GALNT18: variants seen among roughly 807,000 people sequenced by gnomAD.
GALNT18 encodes the protein GalNAc-transferase 18.
In GALNT18, 44 loss-of-function variants were observed where a neutral mutation model predicts 69.5. That is an observed-to-expected ratio of 0.63 (90% confidence interval 0.50 to 0.81). The LOEUF is 0.81. Ranked by LOEUF, GALNT18 falls within the 40% of genes least tolerant of loss-of-function variation. The probability of loss-of-function intolerance (pLI) is 0.00; values close to 1 mark genes in which losing one functional copy is unlikely to be tolerated. For missense variants in GALNT18, 715 were observed against 810.0 expected, an observed-to-expected ratio of 0.88 and a Z score of 1.42; for synonymous variants, 364 against 318.2, an observed-to-expected ratio of 1.14 and a Z score of -1.53.
Position 11,555,473 on chromosome 11 carries a change from G to T in GALNT18, c.235+65886C>A, listed in dbSNP as rs530363786. On this transcript the variant is annotated intron_variant, in intron 1 of 10. Transcript: ENST00000227756. The surrounding 1 kb of genome is among the most constrained non-coding windows in gnomAD (Gnocchi z 4.7). ...GTGCAGCTTAAAACACAGGTCTGGC[G>T]TGAGTCTCCTGTGACAAAGCTCTCC... 6.6e-6 allele frequency among the ~76,000 whole-genome samples: 1 copy of T among 152,208 alleles called. No individual in the cohort carries two copies. The highest frequency in any genetic ancestry group is 1.5e-5 in the Non-Finnish European group (1 of 68,038).
chr11:11,519,051 C>G (rs937526242), intron 1 of GALNT18, among the ~76,000 whole-genome samples: 1 of 152,126 alleles, frequency 6.6e-6, no homozygotes. Context: ...GAAAGAGCAC[C>G]CAGTCCACCC....
chr11:11,327,031 C>T, intron 9 of GALNT18, 55 bp downstream of exon 9: 1 of 1,271,898 alleles, frequency 7.9e-7, no homozygotes. Context: ...TCTCCTTCCC[C>T]ATGCCAGGCA....
chr11:11,564,861 C>T lies in GALNT18; in HGVS notation c.235+56498G>A, dbSNP rs1045836720. 6.6e-6 allele frequency among the ~76,000 whole-genome samples: 1 copy of T among 152,164 alleles called. No individual in the cohort carries two copies. The highest frequency in any genetic ancestry group is 2.1e-4 in the South Asian group (1 of 4,824). ...CTACATTTCAAGTGTTCATAAGTGGCCTGTGTCTGCTCGATACCATAGTGA... is the reference window on the plus strand; with the variant it reads ...CTACATTTCAAGTGTTCATAAGTGGTCTGTGTCTGCTCGATACCATAGTGA... On this transcript the variant is annotated intron_variant, in intron 1 of 10. Transcript: ENST00000227756. This position sits in a 1 kb window ranked among gnomAD's most constrained non-coding sequence, Gnocchi z 4.3.
intron 1 of GALNT18, among the ~76,000 whole-genome samples, chr11:11,537,765 A>C (rs1857818546): frequency 6.6e-6 from 1 of 152,242 alleles, no homozygotes; most frequent in Admixed American, 6.5e-5. Flanking sequence ...GGAAGGAATA[A>C]AAGGGAGCAT....
At position 11,524,260 on chromosome 11, in the gene GALNT18, T is replaced by C. The variant is rs550856304; in HGVS notation, c.236-75324A>G. On this transcript the variant is annotated intron_variant, in intron 1 of 10. Coordinates refer to ENST00000227756, the MANE Select transcript of GALNT18 (RefSeq NM_198516.3). ...ACACATGTCTAACAAATGAGGAAAT[T>C]GGAGTTCTTCAAGATCCTTTTCAGC... Among the ~76,000 whole-genome samples the C allele has an allele frequency of 5.9e-5, 9 of 152,330 alleles. No homozygotes were observed. The South Asian group carries it at 1.9e-3, about 32-fold the overall frequency.
At chr11:11,450,099 G>A (rs1444062481) in intron 1 of GALNT18, among the ~76,000 whole-genome samples, 3 of 152,166 alleles carry the variant, frequency 2.0e-5, no homozygotes, top group Non-Finnish European at 4.4e-5. Context: ...CACTGGACAG[G>A]GTCGTCTATG....
At position 11,605,148 on chromosome 11, in the gene GALNT18, G is replaced by C. The variant is rs1859718236; in HGVS notation, c.235+16211C>G. 6.6e-6 allele frequency among the ~76,000 whole-genome samples: 1 copy of C among 152,168 alleles called. No homozygotes were observed. The highest frequency in any genetic ancestry group is 1.9e-4 in the East Asian group (1 of 5,192). ...GTCCCGACAGGCAGAGTCTGAGGAG[G>C]AACTTTTACTGTGTCCGTTTCCTGT... On this transcript the variant is annotated intron_variant, in intron 1 of 10. Coordinates refer to ENST00000227756, the MANE Select transcript of GALNT18 (RefSeq NM_198516.3). The surrounding 1 kb of genome is among the most constrained non-coding windows in gnomAD (Gnocchi z 4.7).
chr11:11,448,038 GGTGTTCAATGAAT>G (rs1855698658), intron 2 of GALNT18, among the ~76,000 whole-genome samples: 1 of 152,150 alleles, frequency 6.6e-6, no homozygotes, highest in African/African-American at 2.4e-5. Context: ...GTATACAGCA[GGTGTTCAATGAAT>G]GTCTGTGGAG....
chr11:11,334,293 A>G (rs542023824), intron 7 of GALNT18, among the ~76,000 whole-genome samples: 1 of 152,322 alleles, frequency 6.6e-6, no homozygotes, highest in African/African-American at 2.4e-5. Flanking sequence ...CTGTAATCCC[A>G]GCACTTTGGG....
intron 7 of GALNT18, among the ~76,000 whole-genome samples, chr11:11,333,654 A>G (rs983074358): frequency 6.6e-6 from 1 of 152,122 alleles, no homozygotes; most frequent in Non-Finnish European, 1.5e-5. Context: ...GAGTCTTGGC[A>G]TCTAGAGTAC....
In GALNT18 at chr11:11,320,940, G is replaced by A. The variant is rs552337921; in HGVS notation, c.1512+6146C>T. 5.3e-5 allele frequency among the ~76,000 whole-genome samples: 8 copies of A among 152,302 alleles called. No individual in the cohort carries two copies. Among genetic ancestry groups the A allele is most frequent in the East Asian group, 1.9e-4 (1 of 5,174 alleles). ...GTTGTGCATCTGAGCATGGCCTGGC[G>A]TGAAAGGTCACCAGGACACCAAGGG... On this transcript the variant is annotated intron_variant, in intron 9 of 10. Transcript: ENST00000227756. The surrounding 1 kb of genome is among the most constrained non-coding windows in gnomAD (Gnocchi z 4.9).
chr11:11,532,923 T>C (rs906474206), intron 1 of GALNT18, among the ~76,000 whole-genome samples: 3 of 152,182 alleles, frequency 2.0e-5, no homozygotes, highest in African/African-American at 7.2e-5. Flanking sequence ...GGTAATTAAC[T>C]AGATGGCAAT....
chr11:11,391,828 G>A (rs1466828355), intron 3 of GALNT18, among the ~76,000 whole-genome samples: 2 of 152,258 alleles, frequency 1.3e-5, no homozygotes, highest in African/African-American at 4.8e-5. Context: ...CCCAGATAAA[G>A]AGAAGCAGGC....
At position 11,596,151 on chromosome 11, in the gene GALNT18, C is replaced by A. The variant is rs537234994; in HGVS notation, c.235+25208G>T. 7.2e-5 allele frequency among the ~76,000 whole-genome samples: 11 copies of A among 152,254 alleles called. No homozygotes were observed. Among genetic ancestry groups the A allele is most frequent in the African/African-American group, 2.6e-4 (11 of 41,548 alleles). ...TGTGTTAAAAGACTATTCTTTCCCC[C>A]CTTTAAATTGTTTGAGCATCCTTAT... On this transcript the variant is annotated intron_variant, in intron 1 of 10. Transcript: ENST00000227756. This position sits in a 1 kb window ranked among gnomAD's most constrained non-coding sequence, Gnocchi z 4.2.
Position 11,439,835 on chromosome 11 carries a change from T to G in GALNT18, c.429-7048A>C, listed in dbSNP as rs933089380. On this transcript the variant is annotated intron_variant, in intron 2 of 10. Transcript: ENST00000227756. This position sits in a 1 kb window ranked among gnomAD's most constrained non-coding sequence, Gnocchi z 4.4. ...GTTGTACATTTACTCCCTGCCTGAC[T>G]GCAGCAATAAGACTAGATCATCCCA... 6.6e-6 allele frequency among the ~76,000 whole-genome samples: 1 copy of G among 152,194 alleles called. No individual in the cohort carries two copies. The highest frequency in any genetic ancestry group is 2.4e-5 in the African/African-American group (1 of 41,442).
chr11:11,305,135 A>G (rs548177535), intron 9 of GALNT18, among the ~76,000 whole-genome samples: 18 of 152,080 alleles, frequency 1.2e-4, no homozygotes, highest in African/African-American at 4.3e-4. Context: ...TGCAACGAAG[A>G]GACGGTTGGT....
intron 1 of GALNT18, among the ~76,000 whole-genome samples, chr11:11,599,916 A>G (rs1859595208): frequency 1.3e-5 from 2 of 152,024 alleles, no homozygotes; most frequent in African/African-American, 4.8e-5. Flanking sequence ...AACATTTAGA[A>G]TATCTTTAAC....
chr11:11,457,238 G>C (rs1404518282), intron 1 of GALNT18, among the ~76,000 whole-genome samples: 1 of 152,238 alleles, frequency 6.6e-6, no homozygotes, highest in Admixed American at 6.5e-5. Context: ...ACGGGCTTCA[G>C]AGTGAAAGGG....
chr11:11,357,681 C>T (rs1245299966), intron 6 of GALNT18, among the ~76,000 whole-genome samples: 1 of 152,180 alleles, frequency 6.6e-6, no homozygotes, highest in Admixed American at 6.5e-5. Flanking sequence ...AGTTCCTTAA[C>T]TTCTCTGAGC....
Sources: allele counts gnomAD v4.1 joint callset (sites outside exome capture counted in the v4.1 genomes callset), GRCh38; gene constraint gnomAD v4.1.1; non-coding constraint Gnocchi (gnomAD v3.1); transcripts MANE v1.5; gene names NCBI Gene and HGNC (gene_info 2026-07-23, HGNC 2026-07-21).